PRAG1: variants seen among roughly 807,000 people sequenced by gnomAD.
The protein encoded by PRAG1 is PEAK1 related, kinase-activating pseudokinase 1.
Under a neutral mutation model 95.6 loss-of-function variants are expected in PRAG1, and 110 were observed. That is an observed-to-expected ratio of 1.15 (90% confidence interval 0.99 to 1.35). The LOEUF (loss-of-function observed/expected upper bound fraction) is 1.35, where lower values mean the gene tolerates loss of function less well. Ranked by LOEUF, PRAG1 falls within the 40% of genes most tolerant of loss-of-function variation. The probability of loss-of-function intolerance (pLI) is 0.00; values close to 1 mark genes in which losing one functional copy is unlikely to be tolerated. For missense variants in PRAG1, 2,554 were observed against 1,864.7 expected (o/e 1.37, Z -6.81); for synonymous variants, 1,052 against 819.4 (o/e 1.28, Z -4.85).
chr8:8,325,265 A>C (rs547585140), intron 5 of PRAG1, among the ~76,000 whole-genome samples: 1 of 152,312 alleles, frequency 6.6e-6, no homozygotes, highest in Admixed American at 6.5e-5. Flanking sequence ...CACATTTGCA[A>C]ATTAATATTG....
At chr8:8,331,820 A>G (rs994540529) in intron 4 of PRAG1, among the ~76,000 whole-genome samples, 1 of 101,914 alleles carries the variant, frequency 9.8e-6, no homozygotes, top group Non-Finnish European at 2.2e-5. Context: ...AGGAGCTGTT[A>G]GTCAGTGACT....
intron 3 of PRAG1, among the ~76,000 whole-genome samples, chr8:8,350,991 A>T (rs1383992089): frequency 6.6e-6 from 1 of 152,172 alleles, no homozygotes; most frequent in Non-Finnish European, 1.5e-5. Flanking sequence ...TAAACAGGCA[A>T]ACAGAGGACT....
intron 4 of PRAG1, among the ~76,000 whole-genome samples, chr8:8,338,641 T>C (rs1157062144): frequency 6.6e-6 from 1 of 152,258 alleles, no homozygotes; most frequent in Non-Finnish European, 1.5e-5. Context: ...GACTGACTTA[T>C]AACACACTCT....
At chr8:8,372,368 T>C (rs1800238102) in intron 3 of PRAG1, among the ~76,000 whole-genome samples, 1 of 152,238 alleles carries the variant, frequency 6.6e-6, no homozygotes, top group African/African-American at 2.4e-5. Context: ...GAGTTCACCC[T>C]TCTTTCCTGA....
Position 8,377,046 on chromosome 8 carries a change from C to T in PRAG1, c.1363G>A (p.Ala455Thr), listed in dbSNP as rs1220018774. The change falls in exon 3 of 6, where the codon GCA becomes ACA. Residue 455 changes from alanine (A) to threonine (T), a missense_variant. Transcript: ENST00000615670. ...VCTGNAWAQK[A>T]ASGWGRDSPD... The stretch of plus-strand genomic sequence containing the variant: ...CTGTCCCGGCCCCAGCCAGATGCTG[C>T]TTTCTGGGCCCAGGCATTACCTGTG... 2 of 1,613,986 alleles carry T rather than the reference C, an allele frequency of 1.2e-6. No homozygotes were observed. The highest frequency in any genetic ancestry group is 4.5e-5 in the East Asian group (2 of 44,878).
At chr8:8,362,776 A>G (rs1388361847) in intron 3 of PRAG1, among the ~76,000 whole-genome samples, 1 of 152,224 alleles carries the variant, frequency 6.6e-6, no homozygotes, top group Non-Finnish European at 1.5e-5. Context: ...CCTTACATGT[A>G]AAGTCCCTAT....
chr8:8,368,903 TA>T (rs1301450585), intron 3 of PRAG1, among the ~76,000 whole-genome samples: 1 of 147,320 alleles, frequency 6.8e-6, no homozygotes, highest in Non-Finnish European at 1.5e-5. Flanking sequence ...GTGCTGGCTC[TA>T]CACACCTGCT....
chr8:8,330,546 C>A (rs1255801629), intron 4 of PRAG1, among the ~76,000 whole-genome samples: 1 of 152,186 alleles, frequency 6.6e-6, no homozygotes, highest in East Asian at 1.9e-4. Flanking sequence ...ATTTATACCC[C>A]TTCCAGGAGG....
At chr8:8,372,178 T>C (rs149068565) in intron 3 of PRAG1, among the ~76,000 whole-genome samples, 1 of 152,326 alleles carries the variant, frequency 6.6e-6, no homozygotes, top group African/African-American at 2.4e-5. Flanking sequence ...AATTTGGTTC[T>C]TTCTCATCTT....
At chr8:8,324,578 C>T (rs115374706) in intron 5 of PRAG1, among the ~76,000 whole-genome samples, 1,784 of 152,246 alleles carry the variant, frequency 0.012, 37 homozygotes, top group African/African-American at 0.04. Flanking sequence ...CTACTCCCTG[C>T]CCCCAACCAA....
In PRAG1 at chr8:8,318,177, G is replaced by C. The variant is rs757038078; in HGVS notation, c.4198C>G (p.Leu1400Val). 2.2e-5 allele frequency: 36 copies of C among 1,613,494 alleles called. No homozygotes were observed. The highest frequency in any genetic ancestry group is 3.0e-5 in the Non-Finnish European group (35 of 1,179,830). The change falls in exon 6 of 6, where the codon CTG (leucine) becomes GTG (valine). Residue 1400 changes from leucine (L) to valine (V), a missense_variant. By Grantham distance (32) the Leu-to-Val change is conservative. Transcript: ENST00000615670. This position sits in a 1 kb window ranked among gnomAD's most constrained non-coding sequence, Gnocchi z 4.2. ...SAEPGALLQSLKLLQLL is the reference protein window; with the variant it reads ...SAEPGALLQSVKLLQLL ...GCTCACAGAAGCTGCAGGAGCTTCA[G>C]CGACTGTAAGAGGGCCCCGGGCTCC...
chr8:8,352,065 ATTTGGTGAATATTTCAAATTCACTTTG>A (rs1230402521), intron 3 of PRAG1, among the ~76,000 whole-genome samples: 1 of 152,002 alleles, frequency 6.6e-6, no homozygotes, highest in Non-Finnish European at 1.5e-5. Flanking sequence ...AATTTTCTTG[ATTTGGTGAATATTTCAAATTCACTTTG>A]TTGAACCAGC....
chr8:8,358,659 G>C (rs994755022), intron 3 of PRAG1, among the ~76,000 whole-genome samples: 1 of 152,202 alleles, frequency 6.6e-6, no homozygotes. Flanking sequence ...AGTTTTCTCA[G>C]CAAGACAATT....
intron 2 of PRAG1, among the ~76,000 whole-genome samples, chr8:8,379,843 G>T (rs767865770): frequency 1.3e-5 from 2 of 152,222 alleles, no homozygotes; most frequent in Non-Finnish European, 2.9e-5. Flanking sequence ...GGTTGTAACT[G>T]TTTTTAGTGA....
intron 5 of PRAG1, among the ~76,000 whole-genome samples, chr8:8,321,849 C>G (rs902613993): frequency 1.3e-5 from 2 of 152,192 alleles, no homozygotes; most frequent in Admixed American, 6.5e-5. Context: ...GCCATAAACA[C>G]TGAATTAGTG....
chr8:8,343,467 G>T (rs1201050806), intron 3 of PRAG1, among the ~76,000 whole-genome samples: 3 of 152,118 alleles, frequency 2.0e-5, no homozygotes, highest in Non-Finnish European at 4.4e-5. Flanking sequence ...CTGACCAGCA[G>T]TTTATTTTAA....
At chr8:8,370,167 T>C (rs952976142) in intron 3 of PRAG1, among the ~76,000 whole-genome samples, 6 of 152,386 alleles carry the variant, frequency 3.9e-5, no homozygotes, top group African/African-American at 1.4e-4. Context: ...TTAAAGAAGT[T>C]GTAGAACAAG....
In PRAG1 at chr8:8,327,907, A is replaced by G; in HGVS notation, c.2875T>C (p.Tyr959His). Residue 959 changes from tyrosine to histidine, a missense_variant, in exon 5 of 6, where the codon TAC becomes CAC. Coordinates refer to ENST00000615670, the MANE Select transcript of PRAG1 (RefSeq NM_001080826.3). ...ACAAGGCGGGCCAGGGACTGGGTGT[A>G]GAGTCCCCCCAGCTTGGCATAGGTG... Reference protein sequence around the residue: ...EGTYAKLGGLYTQSLARLVAK... With the variant: ...EGTYAKLGGLHTQSLARLVAK... 1.9e-6 allele frequency: 3 copies of G among 1,614,132 alleles called. No homozygotes were observed. Among genetic ancestry groups the G allele is most frequent in the Middle Eastern group, 3.3e-4 (2 of 6,062 alleles).
intron 2 of PRAG1, among the ~76,000 whole-genome samples, chr8:8,379,229 C>G (rs138348410): frequency 6.6e-6 from 1 of 152,158 alleles, no homozygotes; most frequent in East Asian, 1.9e-4. Context: ...ATCTTTCTCC[C>G]GCCTACAGCA....
Sources: allele counts gnomAD v4.1 joint callset (sites outside exome capture counted in the v4.1 genomes callset), GRCh38; gene constraint gnomAD v4.1.1; non-coding constraint Gnocchi (gnomAD v3.1); transcripts MANE v1.5; gene names NCBI Gene and HGNC (gene_info 2026-07-23, HGNC 2026-07-21).